The following LRRC7 variants were observed in gnomAD, a reference collection of about 807,000 sequenced individuals.
LRRC7 encodes the protein leucine-rich repeat-containing protein 7.
In LRRC7, 23 loss-of-function variants were observed where a neutral mutation model predicts 175.7. The ratio of observed to expected loss-of-function variants is 0.13; its 90% CI spans 0.09 to 0.19. The LOEUF (loss-of-function observed/expected upper bound fraction) is 0.19. Among genes scored for constraint, LRRC7 ranks in the 10% least tolerant of loss-of-function variants. LRRC7 has a pLI of 1.00. For synonymous variants in LRRC7, 685 were observed against 680.9 expected (o/e 1.01, Z -0.09); for missense variants, 1,354 against 1,904.7 (o/e 0.71, Z 5.38).
At chr1:69,679,595 AAGAT>A (rs1483015175) in intron 2 of LRRC7, among the ~76,000 whole-genome samples, 1 of 152,126 alleles carries the variant, frequency 6.6e-6, no homozygotes, top group Non-Finnish European at 1.5e-5. Flanking sequence ...CTTGAAACTA[AAGAT>A]AGAGTTCATG....
chr1:69,709,272 G>C (rs1026327770), intron 2 of LRRC7, among the ~76,000 whole-genome samples: 18 of 152,114 alleles, frequency 1.2e-4, no homozygotes, highest in Admixed American at 1.2e-3. Flanking sequence ...ATGCCAACTG[G>C]GTATTTGCAG....
intron 2 of LRRC7, among the ~76,000 whole-genome samples, chr1:69,717,786 GAAAGAAAGA>G (rs1665577996): frequency 7.8e-4 from 15 of 19,314 alleles, no homozygotes; most frequent in African/African-American, 4.1e-3. Flanking sequence ...AAGAAAGAAA[GAAAGAAAGA>G]AAGAAAGAAA....
At chr1:69,974,703 C>A (rs1652630124) in intron 8 of LRRC7, among the ~76,000 whole-genome samples, 1 of 152,130 alleles carries the variant, frequency 6.6e-6, no homozygotes, top group South Asian at 2.1e-4. Flanking sequence ...TTCAGAAAGG[C>A]CATGGATCTG....
intron 8 of LRRC7, among the ~76,000 whole-genome samples, chr1:69,949,470 T>A (rs1239954416): frequency 2.6e-5 from 4 of 151,984 alleles, no homozygotes; most frequent in Admixed American, 1.3e-4. Context: ...GGTGGGAGGA[T>A]CACTTGGCCC....
At chr1:70,006,706 A>G (rs1018443813) in intron 11 of LRRC7, among the ~76,000 whole-genome samples, 4 of 152,102 alleles carry the variant, frequency 2.6e-5, no homozygotes, top group Non-Finnish European at 5.9e-5. Context: ...CCACAAAACT[A>G]TCCCCCCTTT....
chr1:70,079,689 T>G (rs1663068769), intron 24 of LRRC7, among the ~76,000 whole-genome samples: 1 of 152,196 alleles, frequency 6.6e-6, no homozygotes, highest in Admixed American at 6.5e-5. Context: ...TACACTCTAT[T>G]TCTCACACAC....
At chr1:69,597,707 G>T (rs1030563811) in intron 1 of LRRC7, among the ~76,000 whole-genome samples, 4 of 152,140 alleles carry the variant, frequency 2.6e-5, no homozygotes, top group African/African-American at 9.7e-5. Context: ...CTTCAGAATG[G>T]ATGTAGATAC....
At chr1:70,099,787 GA>G (rs1276818023) in intron 25 of LRRC7, among the ~76,000 whole-genome samples, 4 of 152,010 alleles carry the variant, frequency 2.6e-5, no homozygotes, top group African/African-American at 9.7e-5. Context: ...GAAGCTGAGA[GA>G]AAAAGCCATT....
At chr1:69,649,344 T>G (rs529874555) in intron 1 of LRRC7, among the ~76,000 whole-genome samples, 8 of 152,146 alleles carry the variant, frequency 5.3e-5, no homozygotes, top group Non-Finnish European at 1.2e-4. Context: ...TCCCTCAATT[T>G]TGAAGGGAGA....
intron 1 of LRRC7, among the ~76,000 whole-genome samples, chr1:69,627,623 G>T (rs1431433578): frequency 6.6e-6 from 1 of 151,936 alleles, no homozygotes; most frequent in Non-Finnish European, 1.5e-5. Context: ...CATTGATTTT[G>T]GTGTTTTAGA....
At chr1:70,070,799 C>G (rs931206721) in intron 23 of LRRC7, among the ~76,000 whole-genome samples, 2 of 152,132 alleles carry the variant, frequency 1.3e-5, no homozygotes, top group African/African-American at 4.8e-5. Flanking sequence ...AGTCTTGACT[C>G]TCTACTAGGC....
intron 7 of LRRC7, among the ~76,000 whole-genome samples, chr1:69,925,049 T>G (rs1359858558): frequency 6.6e-6 from 1 of 152,220 alleles, no homozygotes; most frequent in East Asian, 1.9e-4. Flanking sequence ...CTGCATCTGT[T>G]GAGATAATCA....
rs542729225 is a variant in LRRC7, at chr1:69,657,708, G to A, written c.3-20673G>A. ...GAAGAAAGGAAAATTAACAAAAGGAGACTTGAGGGCTCATGCAGATGAATT... is the reference window on the plus strand; with the variant it reads ...GAAGAAAGGAAAATTAACAAAAGGAAACTTGAGGGCTCATGCAGATGAATT... On this transcript the variant is annotated intron_variant, in intron 1 of 26. Coordinates refer to ENST00000651989, the MANE Select transcript of LRRC7 (RefSeq NM_001370785.2). Among the ~76,000 whole-genome samples the A allele has an allele frequency of 3.3e-5, 5 of 151,978 alleles. No individual in the cohort carries two copies. In the South Asian group the frequency reaches 6.2e-4, roughly 19 times the overall value.
intron 1 of LRRC7, among the ~76,000 whole-genome samples, chr1:69,578,934 A>G (rs1167907991): frequency 6.7e-6 from 1 of 150,240 alleles, no homozygotes; most frequent in Admixed American, 6.6e-5. Context: ...AACTTAAAGT[A>G]TAATAATAAT....
intron 1 of LRRC7, among the ~76,000 whole-genome samples, chr1:69,584,765 C>T (rs1646340504): frequency 6.6e-6 from 1 of 152,062 alleles, no homozygotes; most frequent in Non-Finnish European, 1.5e-5. Context: ...CATAGGAAAA[C>T]ATATGGATTC....
intron 2 of LRRC7, among the ~76,000 whole-genome samples, chr1:69,740,845 T>C (rs1668631417): frequency 1.3e-5 from 2 of 152,064 alleles, no homozygotes; most frequent in South Asian, 2.1e-4. Flanking sequence ...ACAGTCACAG[T>C]GGGAGTTAGG....
rs140122972 is a variant in LRRC7, at chr1:69,618,462, A to C, written c.2+49821A>C. On this transcript the variant is annotated intron_variant, in intron 1 of 26. Coordinates refer to ENST00000651989, the MANE Select transcript of LRRC7 (RefSeq NM_001370785.2). ...TGTCTCTCTGCTTAATCACTGCTACATGAGGCCATCAGACATAGTTGGAGA... is the reference window on the plus strand; with the variant it reads ...TGTCTCTCTGCTTAATCACTGCTACCTGAGGCCATCAGACATAGTTGGAGA... Among the ~76,000 whole-genome samples, 59 of 152,240 alleles carry C rather than the reference A, an allele frequency of 3.9e-4. No individual in the cohort carries two copies. In the East Asian group the frequency reaches 9.7e-3, roughly 25 times the overall value.
intron 1 of LRRC7, among the ~76,000 whole-genome samples, chr1:69,600,914 C>A (rs1392858020): frequency 2.1e-5 from 3 of 142,096 alleles, no homozygotes; most frequent in African/African-American, 7.7e-5. Flanking sequence ...CGGGTTCAAG[C>A]TATTCCCCTG....
chr1:69,794,887 A>G (rs745914682), intron 4 of LRRC7, among the ~76,000 whole-genome samples: 5 of 152,158 alleles, frequency 3.3e-5, no homozygotes, highest in Non-Finnish European at 7.4e-5. Flanking sequence ...TGCAACTATT[A>G]CCTCGGGGCT....
Sources: gnomAD v4.1 joint callset for allele counts (sites outside exome capture counted in the v4.1 genomes callset) on GRCh38, gnomAD v4.1.1 for gene constraint, MANE v1.5 for transcripts, NCBI Gene and HGNC (gene_info 2026-07-23, HGNC 2026-07-21) for gene names.